The following STX8 variants were observed in gnomAD, a reference collection of about 807,000 sequenced individuals.
The protein encoded by STX8 is syntaxin-8.
In STX8, 23 loss-of-function variants were observed where a neutral mutation model predicts 37.5. The ratio of observed to expected loss-of-function variants is 0.61; its 90% CI spans 0.44 to 0.87. The LOEUF is 0.87. Ranked by LOEUF, STX8 falls within the 40% of genes least tolerant of loss-of-function variation. The pLI, the probability that STX8 is intolerant of heterozygous loss-of-function variation, is 0.00. For missense variants in STX8, 313 were observed against 284.7 expected (o/e 1.10, Z -0.71); for synonymous variants, 115 against 99.1 (o/e 1.16, Z -0.95).
chr17:9,329,050 C>CAAAAAAAAA lies in STX8; in HGVS notation c.643+49493_643+49501dup, dbSNP rs998679728. Among the ~76,000 whole-genome samples the CAAAAAAAAA allele has an allele frequency of 5.7e-4, 16 of 27,996 alleles. 2 individuals carry two copies. Among genetic ancestry groups the CAAAAAAAAA allele is most frequent in the East Asian group, 1.4e-3 (1 of 698 alleles). 18.4% of individuals were successfully genotyped at this position (27,996 alleles called of 152,430 possible). A position where few individuals can be genotyped will look rare whatever the true frequency, so the allele number is the denominator to read the frequency against. On this transcript the variant is annotated intron_variant, in intron 7 of 7. Coordinates refer to ENST00000306357, the MANE Select transcript of STX8 (RefSeq NM_004853.3). Reference sequence around the variant, plus strand: ...GGGCGACAAGAGCGAGATTCCATCTCAAAAAAAAAAAAAAAAAAAAAAAAA... The same window carrying CAAAAAAAAA: ...GGGCGACAAGAGCGAGATTCCATCTCAAAAAAAAAAAAAAAAAAAAAAAAAAAAAAAAAA...
intron 7 of STX8, among the ~76,000 whole-genome samples, chr17:9,343,778 T>G (rs942540373): frequency 6.6e-6 from 1 of 152,100 alleles, no homozygotes; most frequent in Non-Finnish European, 1.5e-5. Flanking sequence ...CCTCCCCATC[T>G]GCCGGATAGG....
At chr17:9,519,676 A>G (rs1343741309) in intron 4 of STX8, among the ~76,000 whole-genome samples, 1 of 151,954 alleles carries the variant, frequency 6.6e-6, no homozygotes, top group African/African-American at 2.4e-5. Context: ...CGATCTCTCT[A>G]CGACATCATC....
chr17:9,575,620 G>A (rs1213385654), intron 1 of STX8, among the ~76,000 whole-genome samples, 172 bp downstream of exon 1: 6 of 152,214 alleles, frequency 3.9e-5, no homozygotes, highest in African/African-American at 1.2e-4. Context: ...ACCCTTGCAA[G>A]GACCAAGTGT....
chr17:9,379,274 G>C (rs1911711319), intron 6 of STX8, among the ~76,000 whole-genome samples: 1 of 149,608 alleles, frequency 6.7e-6, no homozygotes, highest in Non-Finnish European at 1.5e-5. Flanking sequence ...GGAACAGACG[G>C]CACAGTAGAC....
intron 7 of STX8, among the ~76,000 whole-genome samples, chr17:9,342,076 G>A (rs540212428): frequency 6.6e-6 from 1 of 152,140 alleles, no homozygotes; most frequent in African/African-American, 2.4e-5. Flanking sequence ...ATGGTTTTCG[G>A]GATGAAACTG....
Position 9,493,949 on chromosome 17 carries a change from ATTGT to A in STX8, c.449-2032_449-2029del, listed in dbSNP as rs1029789270. On this transcript the variant is annotated intron_variant, in intron 5 of 7. Coordinates refer to ENST00000306357, the MANE Select transcript of STX8 (RefSeq NM_004853.3). The stretch of plus-strand genomic sequence containing the variant: ...ACACTGTATAGCCACTGAAAATCAT[ATTGT>A]TTATCTATATTTTGATGTTGAAAGA... Among the ~76,000 whole-genome samples, 5 of 151,340 alleles carry A rather than the reference ATTGT, an allele frequency of 3.3e-5. No individual in the cohort carries two copies. The East Asian group carries it at 7.9e-4, about 24-fold the overall frequency.
intron 2 of STX8, among the ~76,000 whole-genome samples, chr17:9,567,461 G>A (rs1163065279): frequency 6.6e-6 from 1 of 152,150 alleles, no homozygotes; most frequent in African/African-American, 2.4e-5. Context: ...GACCAAATGA[G>A]TAAAAACATA....
chr17:9,388,313 C>A (rs1043106790), intron 6 of STX8, among the ~76,000 whole-genome samples: 1 of 151,302 alleles, frequency 6.6e-6, no homozygotes, highest in Non-Finnish European at 1.5e-5. Context: ...CTCAGGTGAT[C>A]CACTCACCTC....
At chr17:9,571,556 G>C (rs1180089372) in intron 1 of STX8, among the ~76,000 whole-genome samples, 1 of 146,590 alleles carries the variant, frequency 6.8e-6, no homozygotes, top group African/African-American at 2.6e-5. Context: ...CCGAGATTGT[G>C]CCATCGCACT....
At chr17:9,352,536 C>T (rs1409742059) in intron 7 of STX8, among the ~76,000 whole-genome samples, 3 of 139,236 alleles carry the variant, frequency 2.2e-5, no homozygotes, top group African/African-American at 8.2e-5. Flanking sequence ...GGCGCAATCT[C>T]GGCTCACTGC....
At chr17:9,377,067 G>A (rs1239082811) in intron 7 of STX8, among the ~76,000 whole-genome samples, 1 of 152,014 alleles carries the variant, frequency 6.6e-6, no homozygotes, top group South Asian at 2.1e-4. Context: ...TGAGCTTGCA[G>A]AGTCTCTATG....
At chr17:9,446,930 T>G (rs986366060) in intron 6 of STX8, among the ~76,000 whole-genome samples, 3 of 152,238 alleles carry the variant, frequency 2.0e-5, no homozygotes, top group Non-Finnish European at 2.9e-5. Flanking sequence ...GTAATTAATC[T>G]TGATTTGATA....
At chr17:9,409,661 G>A (rs563827775) in intron 6 of STX8, among the ~76,000 whole-genome samples, 37 of 152,190 alleles carry the variant, frequency 2.4e-4, no homozygotes, top group South Asian at 1.2e-3. Context: ...GGCCGCCTTC[G>A]CTCCAGATGT....
At chr17:9,520,261 A>G (rs1038984274) in intron 4 of STX8, among the ~76,000 whole-genome samples, 12 of 152,204 alleles carry the variant, frequency 7.9e-5, no homozygotes, top group African/African-American at 2.9e-4. Context: ...AACTTAATCA[A>G]CTGCTACCTG....
At chr17:9,402,629 A>G (rs1912663022) in intron 6 of STX8, among the ~76,000 whole-genome samples, 1 of 152,158 alleles carries the variant, frequency 6.6e-6, no homozygotes, top group Non-Finnish European at 1.5e-5. Context: ...CAAGAGACCG[A>G]CACTTTGCAT....
chr17:9,573,594 A>G (rs1286460805), intron 1 of STX8, among the ~76,000 whole-genome samples: 1 of 152,174 alleles, frequency 6.6e-6, no homozygotes, highest in Non-Finnish European at 1.5e-5. Flanking sequence ...GAACCTCCTG[A>G]GGCTGTGTCA....
chr17:9,362,245 G>A (rs1029568954), intron 7 of STX8, among the ~76,000 whole-genome samples: 5 of 152,166 alleles, frequency 3.3e-5, no homozygotes, highest in East Asian at 1.9e-4. Context: ...CATAAGAATC[G>A]CTTGAACCAG....
chr17:9,327,485 T>C (rs1909817430), intron 7 of STX8, among the ~76,000 whole-genome samples: 1 of 152,014 alleles, frequency 6.6e-6, no homozygotes, highest in African/African-American at 2.4e-5. Flanking sequence ...GACAGCTATG[T>C]AGAAATGTGA....
intron 3 of STX8, chr17:9,552,806 C>T (rs1263307287): frequency 6.6e-6 from 1 of 152,006 alleles, no homozygotes; most frequent in Non-Finnish European, 1.5e-5. Flanking sequence ...GCGCCCGCCA[C>T]CACGCCCGGC....
Sources: gnomAD v4.1 joint callset for allele counts (sites outside exome capture counted in the v4.1 genomes callset) on GRCh38, gnomAD v4.1.1 for gene constraint, MANE v1.5 for transcripts, NCBI Gene and HGNC (gene_info 2026-07-23, HGNC 2026-07-21) for gene names.